Variants in DDX17 observed in about 807,000 individuals in gnomAD.
DDX17 encodes the protein DEAD-box helicase 17, also known as probable ATP-dependent RNA helicase DDX17.
Under a neutral mutation model 80.8 loss-of-function variants are expected in DDX17, and 10 were observed. The ratio of observed to expected loss-of-function variants is 0.12; its 90% CI spans 0.08 to 0.21. The LOEUF (loss-of-function observed/expected upper bound fraction) is 0.21, where lower values mean the gene tolerates loss of function less well. Among genes scored for constraint, DDX17 ranks in the 10% least tolerant of loss-of-function variants. The probability of loss-of-function intolerance (pLI) is 1.00; values close to 1 mark genes in which losing one functional copy is unlikely to be tolerated. For missense variants in DDX17, 586 were observed against 957.4 expected, an observed-to-expected ratio of 0.61 and a Z score of 5.12; for synonymous variants, 339 against 336.2, an observed-to-expected ratio of 1.01 and a Z score of -0.09.
Position 38,499,644 on chromosome 22 carries a change from T to C in DDX17, c.439-145A>G, listed in dbSNP as rs878882955. ...TACATGGTACTTTCATGTGTATCAC[T>C]TTAACTCTGCAAGGCTCCTACTTAC... On this transcript the variant is annotated intron_variant, in intron 2 of 12. Transcript: ENST00000403230. The C allele has an allele frequency of 4.3e-5, 28 of 645,164 alleles. 1 individual carries two copies. The South Asian group carries it at 5.3e-4, about 12-fold the overall frequency. The allele number at this position is 645,164 out of a possible 1,614,324, so 40.0% of individuals were successfully genotyped here.
rs747136893 is a variant in DDX17, at chr22:38,494,151, T to C, written c.1215-20A>G. On this transcript the variant is annotated intron_variant, in intron 8 of 12. Transcript: ENST00000403230. ...ATCAACCTGAAAACATGACCAACAA[T>C]GCAGTCATCACACAGAAAGTTATTA... 3.3e-6 allele frequency: 5 copies of C among 1,512,248 alleles called. No homozygotes were observed. The highest frequency in any genetic ancestry group is 4.6e-6 in the Non-Finnish European group (5 of 1,088,328). The allele number at this position is 1,512,248 out of a possible 1,614,324, so 93.7% of individuals were successfully genotyped here.
At chr22:38,489,000 G>A (rs2089688771) in intron 11 of DDX17, 1 of 985,300 alleles carries the variant, frequency 1.0e-6, no homozygotes, top group Non-Finnish European at 1.2e-6. Flanking sequence ...CTGGGAATTG[G>A]GCTGAATAAC....
chr22:38,503,441 CCTT>C (rs960261285), intron 1 of DDX17, among the ~76,000 whole-genome samples: 1 of 152,060 alleles, frequency 6.6e-6, no homozygotes, highest in African/African-American at 2.4e-5. Flanking sequence ...TTTCCTCTCT[CCTT>C]ACTTCCCTGG....
At position 38,485,839 on chromosome 22, in the gene DDX17, GAAA is replaced by G. The variant is rs762776406; in HGVS notation, c.*93_*95del. 4.4e-5 allele frequency: 59 copies of G among 1,343,902 alleles called. No homozygotes were observed. Among genetic ancestry groups the G allele is most frequent in the Non-Finnish European group, 5.2e-5 (54 of 1,031,808 alleles). 83.2% of individuals were successfully genotyped at this position (1,343,902 alleles called of 1,614,324 possible). Reference sequence around the variant, plus strand: ...AATTAAAAAAAAAAAAAGAAAAAAGGAAAAAAAAAGAAAAGGCGAAGAGGAAAA... The same window carrying G: ...AATTAAAAAAAAAAAAAGAAAAAAGGAAAAAAGAAAAGGCGAAGAGGAAAA... On this transcript the variant is annotated 3_prime_UTR_variant, in exon 13 of 13. Transcript: ENST00000403230.
In DDX17 at chr22:38,486,447, G is replaced by A. The variant is rs536745209; in HGVS notation, c.1685-7C>T. On this transcript the variant is annotated splice_polypyrimidine_tract_variant and splice_region_variant and intron_variant, in intron 12 of 12. Transcript: ENST00000403230. ...CGGTAACGAGAACGACCACCTAATG[G>A]GAAGATACAAGAAGATTTTTAATGG... 1.9e-6 allele frequency: 3 copies of A among 1,589,248 alleles called. No homozygotes were observed. The highest frequency in any genetic ancestry group is 2.7e-5 in the African/African-American group (2 of 74,168).
chr22:38,501,172 T>C lies in DDX17; in HGVS notation c.396A>G (p.Lys132=). 1.2e-5 allele frequency: 20 copies of C among 1,613,800 alleles called. No individual in the cohort carries two copies. Among genetic ancestry groups the C allele is most frequent in the East Asian group, 4.5e-5 (2 of 44,876 alleles). The change falls in exon 2 of 13, where the codon AAA becomes AAG. Residue 132 remains lysine, a synonymous_variant. Transcript: ENST00000403230. ...CTTCCGGATGTTCCACATAAAAATT[T>C]TTCTCAAACTTGGGGAGCTCACTCA...
At position 38,485,956 on chromosome 22, in the gene DDX17, AGG is replaced by A; in HGVS notation, c.2167_2168del (p.Pro723SerfsTer6). The A allele has an allele frequency of 6.2e-7, 1 of 1,613,232 alleles. No homozygotes were observed. The highest frequency in any genetic ancestry group is 8.5e-7 in the Non-Finnish European group (1 of 1,179,832). ...GGTTTCATTTACGTGAAGGAGGAGGAGGGGGAGGAGGAGGAGGGTATTGGTAG... is the reference window on the plus strand; with the variant it reads ...GGTTTCATTTACGTGAAGGAGGAGGAGGGAGGAGGAGGAGGGTATTGGTAG... On this transcript the variant is annotated frameshift_variant, in exon 13 of 13. Transcript: ENST00000403230. LOFTEE classifies it high-confidence loss of function.
Position 38,483,925 on chromosome 22 carries a change from T to C in DDX17, c.*2010A>G, listed in dbSNP as rs1281088484. On this transcript the variant is annotated 3_prime_UTR_variant, in exon 13 of 13. Coordinates refer to ENST00000403230, the MANE Select transcript of DDX17 (RefSeq NM_006386.5). ...TTTTGAGGTTTGGAATTTACTGTTA[T>C]TTTATGATTACAATGTCCCAGGTGG... 6.6e-6 allele frequency: 1 copy of C among 152,220 alleles called. No individual in the cohort carries two copies. Among genetic ancestry groups the C allele is most frequent in the Non-Finnish European group, 1.5e-5 (1 of 68,046 alleles). The allele number at this position is 152,220 out of a possible 1,614,324, so 9.4% of individuals were successfully genotyped here.
intron 5 of DDX17, among the ~76,000 whole-genome samples, chr22:38,497,550 G>A (rs1272623769): frequency 6.1e-5 from 9 of 147,040 alleles, no homozygotes; most frequent in Admixed American, 4.8e-4. Context: ...CCTGGCAGGC[G>A]GAGGTTGCAG....
At chr22:38,499,604 A>G (rs1269881451) in intron 2 of DDX17, 105 bp from the exon 3 acceptor site, 36 of 857,244 alleles carry the variant, frequency 4.2e-5, no homozygotes, top group Non-Finnish European at 5.0e-5. Context: ...CTATGTTGGC[A>G]AATATTTAAT....
intron 5 of DDX17, 42 bp from the exon 6 acceptor site, chr22:38,495,979 T>TAAAAAAAAAAAA (rs201173235): frequency 2.6e-6 from 2 of 761,458 alleles, no homozygotes; most frequent in African/African-American, 2.2e-5. Context: ...ATCCAAGGTT[T>TAAAAAAAAAAAA]AAAAAAAAAA....
intron 2 of DDX17, among the ~76,000 whole-genome samples, chr22:38,499,839 A>G (rs892748222): frequency 6.6e-6 from 1 of 152,106 alleles, no homozygotes; most frequent in Non-Finnish European, 1.5e-5. Flanking sequence ...TCATGTGTAG[A>G]GTCCAAAAAA....
chr22:38,493,630 T>C (rs1382992005), intron 10 of DDX17, 80 bp downstream of exon 10: 3 of 1,189,396 alleles, frequency 2.5e-6, no homozygotes, highest in Non-Finnish European at 3.7e-6. Context: ...AAAGTTTGCC[T>C]ATCCCTGAAA....
rs2089677387 is a variant in DDX17, at chr22:38,487,985, G to A, written c.1578C>T (p.Asn526=). The change falls in exon 12 of 13, where the codon AAC becomes AAT. Residue 526 remains asparagine, a synonymous_variant. Transcript: ENST00000403230. ...TGATAAGCTCTCTGGCCTGTTTTAG[G>A]TTCCCTGGGGTGAAGAAGGTATAGG... 2 of 1,614,096 alleles carry A rather than the reference G, an allele frequency of 1.2e-6. No homozygotes were observed. The highest frequency in any genetic ancestry group is 2.7e-5 in the African/African-American group (2 of 74,926).
At chr22:38,487,248 A>G (rs538971281) in intron 12 of DDX17, among the ~76,000 whole-genome samples, 25 of 152,198 alleles carry the variant, frequency 1.6e-4, no homozygotes, top group African/African-American at 6.0e-4. Context: ...TAATCTCAGC[A>G]CTTTGGGAGG....
Position 38,500,046 on chromosome 22 carries a change from CAT to C in DDX17, c.439-549_439-548del, listed in dbSNP as rs1394008399. On this transcript the variant is annotated intron_variant, in intron 2 of 12. Transcript: ENST00000403230. ...AATAAATGAACCAGGCGTGGTGGCA[CAT>C]GTCTGTAATCCCAGCTACTCGGGAG... 7.3e-5 allele frequency among the ~76,000 whole-genome samples: 11 copies of C among 151,384 alleles called. No homozygotes were observed. In the South Asian group the frequency reaches 1.5e-3, roughly 20 times the overall value.
At chr22:38,504,334 T>A (rs112987907) in intron 1 of DDX17, among the ~76,000 whole-genome samples, 4,949 of 152,306 alleles carry the variant, frequency 0.032, 100 homozygotes, top group African/African-American at 0.053. Context: ...TATGGAGACA[T>A]TTGCGTTGTT....
chr22:38,498,618 A>G (rs1455282781), intron 3 of DDX17, 45 bp from the exon 4 acceptor site: 1 of 1,602,198 alleles, frequency 6.2e-7, no homozygotes. Context: ...GTTTAAAGAC[A>G]CAAACCAAGA....
At chr22:38,497,297 C>CAAAAAAAAAAAAAAAA (rs138448) in intron 5 of DDX17, among the ~76,000 whole-genome samples, 1 of 36,182 alleles carries the variant, frequency 2.8e-5, no homozygotes, top group Admixed American at 5.2e-4. Context: ...AACTCCATCT[C>CAAAAAAAAAAAAAAAA]AAAAAAAAAA....
Sources: gnomAD v4.1 joint callset for allele counts (sites outside exome capture counted in the v4.1 genomes callset) on GRCh38, gnomAD v4.1.1 for gene constraint, MANE v1.5 for transcripts, NCBI Gene and HGNC (gene_info 2026-07-23, HGNC 2026-07-21) for gene names.